Variants in SPEN observed in about 807,000 individuals in gnomAD.
SPEN encodes spen family transcriptional repressor, also known as msx2-interacting protein.
Under a neutral mutation model 269.9 loss-of-function variants are expected in SPEN, and 18 were observed. The ratio of observed to expected loss-of-function variants is 0.07; its 90% confidence interval spans 0.05 to 0.10. The LOEUF (loss-of-function observed/expected upper bound fraction) is 0.10. Among genes scored for constraint, SPEN ranks in the 10% least tolerant of loss-of-function variants. The pLI, the probability that SPEN is intolerant of heterozygous loss-of-function variation, is 1.00. For synonymous variants in SPEN, 1,726 were observed against 1,765.7 expected, an observed-to-expected ratio of 0.98 and a Z score of 0.56; for missense variants, 3,822 against 4,631.2, an observed-to-expected ratio of 0.83 and a Z score of 5.07.
intron 1 of SPEN, among the ~76,000 whole-genome samples, chr1:15,855,395 GA>G (rs1438012989): frequency 1.3e-5 from 2 of 151,876 alleles, no homozygotes; most frequent in African/African-American, 4.8e-5. Flanking sequence ...GACTAAAAGT[GA>G]TTTTTTTTTT....
chr1:15,860,459 G>A (rs2070435272), intron 1 of SPEN, among the ~76,000 whole-genome samples: 1 of 149,922 alleles, frequency 6.7e-6, no homozygotes, highest in South Asian at 2.1e-4. Context: ...GTGTGTGTGT[G>A]TGTGTGTGTG....
In SPEN at chr1:15,921,258, A is replaced by T. The variant is rs995182113; in HGVS notation, c.1749+275A>T. Among the ~76,000 whole-genome samples the T allele has an allele frequency of 6.6e-5, 10 of 152,216 alleles. 1 individual carries two copies. The highest frequency in any genetic ancestry group is 2.4e-4 in the African/African-American group (10 of 41,440). On this transcript the variant is annotated intron_variant, in intron 9 of 14. Coordinates refer to ENST00000375759, the MANE Select transcript of SPEN (RefSeq NM_015001.3). ...GGCAGGAGAATTGCTTGAACCCAGG[A>T]GGCGGAGGTTGCAGTGTGCTGAGAT...
At position 15,876,700 on chromosome 1, in the gene SPEN, A is replaced by G. The variant is rs753498492; in HGVS notation, c.881+22A>G. 12 of 1,546,030 alleles carry G rather than the reference A, an allele frequency of 7.8e-6. No homozygotes were observed. The Admixed American group carries it at 1.0e-4, about 13-fold the overall frequency. ...ACAGGTAGGTTAACAGCCTTTTGTT[A>G]TAACAGATGAGCTAGCTTTAAACAA... On this transcript the variant is annotated intron_variant, in intron 3 of 14. Transcript: ENST00000375759.
At chr1:15,919,341 T>C (rs972507401) in intron 7 of SPEN, 63 bp from the exon 8 acceptor site, 1 of 1,074,582 alleles carries the variant, frequency 9.3e-7, no homozygotes, top group African/African-American at 1.6e-5. Context: ...TTTCTGAGAA[T>C]TCTGTTGTAG....
Position 15,876,452 on chromosome 1 carries a change from A to G in SPEN, c.655A>G (p.Ile219Val). 1.2e-6 allele frequency: 2 copies of G among 1,614,156 alleles called. No individual in the cohort carries two copies. Among genetic ancestry groups the G allele is most frequent in the South Asian group, 1.1e-5 (1 of 91,082 alleles). Residue 219 changes from isoleucine to valine, a missense_variant, in exon 3 of 15, where the codon ATC (isoleucine) becomes GTC (valine). Coordinates refer to ENST00000375759, the MANE Select transcript of SPEN (RefSeq NM_015001.3). ...FTLPSVVHRD[I>V]YRDDITREVR... is the part of the protein sequence containing the mutation. ...ACTGCCCAGTGTGGTACACAGGGAT[A>G]TCTACAGGGATGATATTACCCGGGA...
In SPEN at chr1:15,933,569, G is replaced by A. The variant is rs1339976048; in HGVS notation, c.7329G>A (p.Glu2443=). 6.2e-7 allele frequency: 1 copy of A among 1,613,970 alleles called. No individual in the cohort carries two copies. Among genetic ancestry groups the A allele is most frequent in the Admixed American group, 1.7e-5 (1 of 60,004 alleles). Residue 2443 remains glutamate (E), a synonymous_variant, in exon 11 of 15, where the codon GAG becomes GAA. Transcript: ENST00000375759. This position sits in a 1 kb window ranked among gnomAD's most constrained non-coding sequence, Gnocchi z 5.7. The part of the protein sequence containing the change: ...PPPQPAPVDE[E]PQARFRVHSI... ...CCCAGCCAGCACCGGTGGATGAGGA[G>A]CCTCAAGCCAGGTTCAGGGTGCATT... is the stretch of plus-strand genomic sequence containing the variant.
intron 3 of SPEN, among the ~76,000 whole-genome samples, chr1:15,883,244 T>C (rs979105415): frequency 6.6e-6 from 1 of 152,170 alleles, no homozygotes; most frequent in Non-Finnish European, 1.5e-5. Context: ...ACACACACAG[T>C]TCCTGGGCGG....
At position 15,876,583 on chromosome 1, in the gene SPEN, A is replaced by T; in HGVS notation, c.786A>T (p.Ala262=). ...CTCCTCAGAGACTGGCTAGCCAAGC[A>T]TCTAGACCCACAAGGTCCCCTAGCG... ...NQSPQRLASQ[A]SRPTRSPSGS... Residue 262 remains alanine (A), a synonymous_variant, in exon 3 of 15, where the codon GCA becomes GCT. Transcript: ENST00000375759. 1 of 1,614,084 alleles carries T rather than the reference A, an allele frequency of 6.2e-7. No homozygotes were observed.
In SPEN at chr1:15,936,478, CA is replaced by C. The variant is rs1028008602; in HGVS notation, c.10026+224del. On this transcript the variant is annotated intron_variant, in intron 11 of 14. Transcript: ENST00000375759. ...CAACATGGCAAAACCCCATCTCGTA[CA>C]AAAAAAAAAAATTACAAAAATTAGC... 4.8e-3 allele frequency among the ~76,000 whole-genome samples: 676 copies of C among 139,430 alleles called. 3 individuals carry two copies. The highest frequency in any genetic ancestry group is 0.011 in the African/African-American group (431 of 37,970). The allele number at this position is 139,430 out of a possible 152,430, so 91.5% of individuals were successfully genotyped here.
In SPEN at chr1:15,937,244, C is replaced by T. The variant is rs2071284872; in HGVS notation, c.10108C>T (p.Pro3370Ser). ...TQPAQPAPPC[P>S]PSQLGQPGQP... The stretch of plus-strand genomic sequence containing the variant: ...GCCTGCCCAGCCTGCACCACCCTGC[C>T]CGCCCTCCCAGCTCGGTCAGCCCGG... Residue 3370 changes from proline to serine, a missense_variant, in exon 12 of 15, where the codon CCG (proline) becomes TCG (serine). Coordinates refer to ENST00000375759, the MANE Select transcript of SPEN (RefSeq NM_015001.3). This position sits in a 1 kb window ranked among gnomAD's most constrained non-coding sequence, Gnocchi z 5.7. 2.5e-6 allele frequency: 4 copies of T among 1,613,842 alleles called. No homozygotes were observed. The highest frequency in any genetic ancestry group is 3.4e-6 in the Non-Finnish European group (4 of 1,179,984).
At chr1:15,885,511 A>G (rs535012903) in intron 3 of SPEN, among the ~76,000 whole-genome samples, 75 of 152,336 alleles carry the variant, frequency 4.9e-4, no homozygotes, top group African/African-American at 1.7e-3. Flanking sequence ...GAGCCAATTA[A>G]TGGTTTTATT....
Position 15,939,622 on chromosome 1 carries a change from T to A in SPEN, c.*195T>A, listed in dbSNP as rs1305638433. ...GAGTGGTGCTGCTACCTTGTATGTT[T>A]ACATAATGCTTTAGCCCAAGGACAC... On this transcript the variant is annotated 3_prime_UTR_variant, in exon 15 of 15. Coordinates refer to ENST00000375759, the MANE Select transcript of SPEN (RefSeq NM_015001.3). The surrounding 1 kb of genome is among the most constrained non-coding windows in gnomAD (Gnocchi z 4.1). 1.3e-5 allele frequency: 7 copies of A among 545,532 alleles called. No individual in the cohort carries two copies. The highest frequency in any genetic ancestry group is 9.9e-5 in the African/African-American group (5 of 50,530). 33.8% of individuals were successfully genotyped at this position (545,532 alleles called of 1,614,324 possible).
chr1:15,929,435 C>G lies in SPEN; in HGVS notation c.3195C>G (p.Asp1065Glu), dbSNP rs769315069. 8.7e-6 allele frequency: 14 copies of G among 1,613,662 alleles called. No homozygotes were observed. The South Asian group carries it at 1.5e-4, about 18-fold the overall frequency. Reference protein sequence around the residue: ...DRLNTVASPKDCQELASISVG... With the variant: ...DRLNTVASPKECQELASISVG... ...TTAATACTGTTGCCAGCCCCAAAGA[C>G]TGTCAGGAGCTTGCCAGTATTTCTG... The change falls in exon 11 of 15, where the codon GAC (aspartate) becomes GAG (glutamate). Residue 1065 changes from aspartate to glutamate, a missense_variant. Physicochemically the swap from Asp to Glu is conservative, Grantham distance 45 (BLOSUM62 2). Coordinates refer to ENST00000375759, the MANE Select transcript of SPEN (RefSeq NM_015001.3). This position sits in a 1 kb window ranked among gnomAD's most constrained non-coding sequence, Gnocchi z 5.8.
At chr1:15,858,217 G>A (rs1199417646) in intron 1 of SPEN, among the ~76,000 whole-genome samples, 1 of 150,582 alleles carries the variant, frequency 6.6e-6, no homozygotes, top group Non-Finnish European at 1.5e-5. Context: ...TCCTACCAAA[G>A]TGCTGGGATT....
Position 15,934,507 on chromosome 1 carries a change from C to A in SPEN, c.8267C>A (p.Thr2756Lys). 6.2e-7 allele frequency: 1 copy of A among 1,614,054 alleles called. No individual in the cohort carries two copies. Among genetic ancestry groups the A allele is most frequent in the South Asian group, 1.1e-5 (1 of 91,084 alleles). ...VTAASGGVTA[T>K]TGTVTMAGAV... Reference sequence around the variant, plus strand: ...GCTGCATCTGGTGGTGTAACGGCCACAACAGGCACGGTGACAATGGCAGGG... The same window carrying A: ...GCTGCATCTGGTGGTGTAACGGCCAAAACAGGCACGGTGACAATGGCAGGG... The change falls in exon 11 of 15, where the codon ACA becomes AAA. Residue 2756 changes from threonine (T) to lysine (K), a missense_variant. Physicochemically the swap from Thr to Lys is moderately conservative, Grantham distance 78. Transcript: ENST00000375759. The surrounding 1 kb of genome is among the most constrained non-coding windows in gnomAD (Gnocchi z 9.2).
Position 15,929,511 on chromosome 1 carries a change from C to T in SPEN, c.3271C>T (p.Leu1091=). The change falls in exon 11 of 15, where the codon CTA becomes TTA. Residue 1091 remains leucine, a synonymous_variant. Transcript: ENST00000375759. This position sits in a 1 kb window ranked among gnomAD's most constrained non-coding sequence, Gnocchi z 5.8. ...AGACCTACAAGCAAGACTGGGAGAA[C>T]TAGCAGGTGAATCTGTGGAAAATCA... ...SSDLQARLGE[L]AGESVENQEV... is the part of the protein sequence containing the mutation. 1 of 1,613,414 alleles carries T rather than the reference C, an allele frequency of 6.2e-7. No homozygotes were observed. Among genetic ancestry groups the T allele is most frequent in the Non-Finnish European group, 8.5e-7 (1 of 1,179,830 alleles).
intron 2 of SPEN, among the ~76,000 whole-genome samples, chr1:15,875,483 A>T (rs942588318): frequency 6.6e-6 from 1 of 152,102 alleles, no homozygotes; most frequent in Non-Finnish European, 1.5e-5. Context: ...AGGAGTAAAT[A>T]ATTTTTATTT....
In SPEN at chr1:15,932,345, G is replaced by A; in HGVS notation, c.6105G>A (p.Glu2035=). Residue 2035 remains glutamate, a synonymous_variant, in exon 11 of 15, where the codon GAG becomes GAA. Coordinates refer to ENST00000375759, the MANE Select transcript of SPEN (RefSeq NM_015001.3). This position sits in a 1 kb window ranked among gnomAD's most constrained non-coding sequence, Gnocchi z 4.2. ...CCATGGAACCCAAGGCTGCTGAGGA[G>A]GAGGCAGGGAGTGAACAGAAACGTG... ...ESSMEPKAAE[E]EAGSEQKRDR... 1.9e-6 allele frequency: 3 copies of A among 1,613,750 alleles called. No individual in the cohort carries two copies. The highest frequency in any genetic ancestry group is 2.5e-6 in the Non-Finnish European group (3 of 1,179,918).
At chr1:15,872,222 C>CA (rs58028111) in intron 1 of SPEN, among the ~76,000 whole-genome samples, 1,401 of 61,914 alleles carry the variant, frequency 0.023, 58 homozygotes, top group Admixed American at 0.045. Context: ...GACTCTGTCT[C>CA]AAAAAAAAAA....
Sources: gnomAD v4.1 joint callset for allele counts (sites outside exome capture counted in the v4.1 genomes callset) on GRCh38, gnomAD v4.1.1 for gene constraint, Gnocchi (gnomAD v3.1) non-coding constraint, MANE v1.5 for transcripts, NCBI Gene and HGNC (gene_info 2026-07-23, HGNC 2026-07-21) for gene names.